NPIPB8: variants seen among roughly 807,000 people sequenced by gnomAD.
NPIPB8 encodes the protein nuclear pore complex-interacting protein family member B8.
Under a neutral mutation model 5.3 loss-of-function variants are expected in NPIPB8, and 3 were observed. The ratio of observed to expected loss-of-function variants is 0.57; its 90% CI spans 0.26 to 1.47. NPIPB8 has a LOEUF of 1.47. NPIPB8 is among the 40% of genes most tolerant of loss of function. The pLI, the probability that NPIPB8 is intolerant of heterozygous loss-of-function variation, is 0.13. For synonymous variants in NPIPB8, 18 were observed against 23.0 expected (o/e 0.78, Z 0.62); for missense variants, 50 against 50.2 (o/e 1.00, Z 0.01).
At chr16:28,645,076 T>C (rs62035138) in intron 2 of NPIPB8, among the ~76,000 whole-genome samples, 4,896 of 99,490 alleles carry the variant, frequency 0.049, 27 homozygotes, top group African/African-American at 0.13. Context: ...CAGAGTCTCA[T>C]TCTGTCGCCC....
At position 28,638,407 on chromosome 16, in the gene NPIPB8, A is replaced by G; in HGVS notation, c.47A>G (p.Asp16Gly). 1 of 1,572,678 alleles carries G rather than the reference A, an allele frequency of 6.4e-7. No homozygotes were observed. The highest frequency in any genetic ancestry group is 1.1e-5 in the South Asian group (1 of 88,176). Residue 16 changes from aspartate to glycine, a missense_variant, in exon 2 of 8, where the codon GAC becomes GGC. By Grantham distance (94) the Asp-to-Gly change is moderately conservative. Transcript: ENST00000683297. ...IVLTPQFLSH[D>G]QGQLTKELQQ... ...CTGACCCCACAGTTCCTGTCCCATG[A>G]CCAGGGCCAGCTCACCAAGGAGCTG...
At chr16:28,639,838 T>C (rs943583029) in intron 2 of NPIPB8, among the ~76,000 whole-genome samples, 1 of 150,418 alleles carries the variant, frequency 6.6e-6, no homozygotes, top group Admixed American at 6.6e-5. Flanking sequence ...TGTTTAAAAA[T>C]AAAGATTGAA....
At chr16:28,638,583 G>A in intron 2 of NPIPB8, 103 bp downstream of exon 2, 3 of 1,411,240 alleles carry the variant, frequency 2.1e-6, no homozygotes, top group Non-Finnish European at 2.9e-6. Flanking sequence ...AGCTTACGCA[G>A]TCACAGTACT....
intron 2 of NPIPB8, among the ~76,000 whole-genome samples, chr16:28,640,207 G>A (rs905720355): frequency 1.3e-5 from 2 of 152,004 alleles, no homozygotes; most frequent in South Asian, 2.1e-4. Context: ...GGGGTAGATG[G>A]TGCATGCCTG....
chr16:28,642,763 T>C (rs1188963719), intron 2 of NPIPB8, among the ~76,000 whole-genome samples: 1 of 151,854 alleles, frequency 6.6e-6, no homozygotes, highest in Non-Finnish European at 1.5e-5. Context: ...ATTACAGGCG[T>C]GAGCCACCAC....
intron 2 of NPIPB8, among the ~76,000 whole-genome samples, chr16:28,645,281 G>T (rs576443469): frequency 2.1e-5 from 2 of 96,736 alleles, no homozygotes; most frequent in African/African-American, 3.8e-5. Flanking sequence ...CGCCTGCCTC[G>T]GCCTCCCAGT....
At chr16:28,644,018 C>T (rs1216135331) in intron 2 of NPIPB8, among the ~76,000 whole-genome samples, 17 of 63,896 alleles carry the variant, frequency 2.7e-4, no homozygotes, top group Admixed American at 2.3e-3. Context: ...CCTGTCCTTG[C>T]GAGGAGTGTG....
At chr16:28,643,706 A>G (rs1306211665) in intron 2 of NPIPB8, among the ~76,000 whole-genome samples, 42 of 142,228 alleles carry the variant, frequency 3.0e-4, no homozygotes, top group Non-Finnish European at 4.2e-4. Flanking sequence ...CCTGAGATAC[A>G]GGTTGATGGA....
At chr16:28,638,505 G>A in intron 2 of NPIPB8, 25 bp downstream of exon 2, 3 of 1,541,442 alleles carry the variant, frequency 1.9e-6, no homozygotes, top group Admixed American at 1.8e-5. Context: ...ACAAGATGGG[G>A]CCTGGTGCCC....
At chr16:28,651,597 G>T (rs1432175157) in intron 3 of NPIPB8, among the ~76,000 whole-genome samples, 1 of 28,322 alleles carries the variant, frequency 3.5e-5, no homozygotes, top group Non-Finnish European at 6.7e-5. Flanking sequence ...CCAGCCTCAT[G>T]TCATTCTTGT....
At chr16:28,638,545 AC>A in intron 2 of NPIPB8, 65 bp downstream of exon 2, 1 of 1,481,426 alleles carries the variant, frequency 6.8e-7, no homozygotes, top group South Asian at 1.2e-5. Context: ...CAGCTGCCAC[AC>A]ATCTCATAGC....
At chr16:28,640,586 G>A (rs371470724) in intron 2 of NPIPB8, among the ~76,000 whole-genome samples, 92 of 152,220 alleles carry the variant, frequency 6.0e-4, no homozygotes, top group African/African-American at 1.8e-3. Flanking sequence ...CATTAAGACC[G>A]TCATATGGTG....
intron 2 of NPIPB8, among the ~76,000 whole-genome samples, chr16:28,642,320 G>T (rs970977704): frequency 1.3e-5 from 2 of 151,886 alleles, no homozygotes; most frequent in Non-Finnish European, 2.9e-5. Flanking sequence ...TGGTCAGGCT[G>T]GTCTCGAACT....
chr16:28,638,621 A>G, intron 2 of NPIPB8, 141 bp downstream of exon 2: 4 of 1,365,586 alleles, frequency 2.9e-6, no homozygotes, highest in Non-Finnish European at 3.9e-6. Flanking sequence ...CTTTCCATAC[A>G]AGTGGCTTAG....
At chr16:28,641,202 G>A (rs962412856) in intron 2 of NPIPB8, among the ~76,000 whole-genome samples, 1 of 151,586 alleles carries the variant, frequency 6.6e-6, no homozygotes, top group African/African-American at 2.4e-5. Context: ...AGGTCTTAGA[G>A]AGATGCTCCA....
chr16:28,651,013 T>C (rs1163844635), intron 3 of NPIPB8, among the ~76,000 whole-genome samples: 1 of 100,580 alleles, frequency 9.9e-6, no homozygotes, highest in African/African-American at 6.2e-5. Context: ...TGAGACGGAG[T>C]CTCACTCTGT....
intron 2 of NPIPB8, among the ~76,000 whole-genome samples, chr16:28,641,105 C>A (rs2047888060): frequency 6.6e-6 from 1 of 152,024 alleles, no homozygotes; most frequent in African/African-American, 2.4e-5. Flanking sequence ...GCTAAACACT[C>A]TCCCAAAACA....
chr16:28,642,030 T>G (rs1319676718), intron 2 of NPIPB8, among the ~76,000 whole-genome samples: 2 of 151,330 alleles, frequency 1.3e-5, no homozygotes, highest in Non-Finnish European at 2.9e-5. Flanking sequence ...TGCCATTCAC[T>G]TTTGCTCTAA....
intron 2 of NPIPB8, among the ~76,000 whole-genome samples, chr16:28,639,009 T>C (rs1052546757): frequency 2.0e-5 from 3 of 149,716 alleles, no homozygotes; most frequent in African/African-American, 7.5e-5. Context: ...GTGGAGGTTT[T>C]AGTGGGCCAA....
Sources: gnomAD v4.1 joint callset for allele counts (sites outside exome capture counted in the v4.1 genomes callset) on GRCh38, gnomAD v4.1.1 for gene constraint, MANE v1.5 for transcripts, NCBI Gene and HGNC (gene_info 2026-07-23, HGNC 2026-07-21) for gene names.